Variants in HACD2 observed in about 807,000 individuals in gnomAD.
The protein encoded by HACD2 is 3-hydroxyacyl-CoA dehydratase 2.
HACD2 carries 15 observed loss-of-function variants against 31.0 expected under a neutral mutation model. The observed-to-expected ratio is 0.48, with a 90% CI of 0.32 to 0.75. HACD2 has a LOEUF of 0.75. Ranked by LOEUF, HACD2 falls within the 30% of genes least tolerant of loss-of-function variation. HACD2 has a pLI of 0.03. For synonymous variants in HACD2, 115 were observed against 122.2 expected, an observed-to-expected ratio of 0.94 and a Z score of 0.39; for missense variants, 283 against 313.0, an observed-to-expected ratio of 0.90 and a Z score of 0.72.
intron 3 of HACD2, among the ~76,000 whole-genome samples, chr3:123,534,255 A>C (rs1457584712): frequency 6.6e-6 from 1 of 152,164 alleles, no homozygotes; most frequent in Non-Finnish European, 1.5e-5. Flanking sequence ...TTGACAGTTG[A>C]GTACAGTCAT....
intron 3 of HACD2, among the ~76,000 whole-genome samples, chr3:123,536,493 A>C (rs1420454169): frequency 1.3e-5 from 2 of 152,238 alleles, no homozygotes; most frequent in African/African-American, 4.8e-5. Context: ...AGATTAAAGC[A>C]ACTGGAAGAT....
At chr3:123,559,284 C>T (rs2107738943) in intron 3 of HACD2, among the ~76,000 whole-genome samples, 1 of 151,724 alleles carries the variant, frequency 6.6e-6, no homozygotes, top group South Asian at 2.1e-4. Flanking sequence ...TTACAGAAAA[C>T]GTGTTGTGTG....
chr3:123,570,341 T>C (rs1181764952), intron 2 of HACD2, among the ~76,000 whole-genome samples: 1 of 152,204 alleles, frequency 6.6e-6, no homozygotes, highest in Non-Finnish European at 1.5e-5. Context: ...CATAATGATG[T>C]AGTCAGATGT....
rs953933761 is a variant in HACD2, at chr3:123,506,594, T to C, written c.382-3913A>G. On this transcript the variant is annotated intron_variant, in intron 4 of 6. Coordinates refer to ENST00000383657, the MANE Select transcript of HACD2 (RefSeq NM_198402.5). ...ACAGGTGTGTGCCACCACACCCAGC[T>C]AATTTTTTTTTCTTATTTTTTGTAG... 4.6e-5 allele frequency among the ~76,000 whole-genome samples: 7 copies of C among 152,100 alleles called. No individual in the cohort carries two copies. In the South Asian group the frequency reaches 6.2e-4, roughly 14 times the overall value.
At chr3:123,511,354 A>AAC (rs1019732639) in intron 4 of HACD2, among the ~76,000 whole-genome samples, 11 of 152,064 alleles carry the variant, frequency 7.2e-5, no homozygotes, top group East Asian at 3.9e-4. Context: ...CATGCATGTG[A>AAC]ACACACACAC....
At chr3:123,517,359 C>G (rs148327633) in intron 4 of HACD2, among the ~76,000 whole-genome samples, 2 of 152,192 alleles carry the variant, frequency 1.3e-5, no homozygotes, top group Non-Finnish European at 1.5e-5. Context: ...GATTTGCTCA[C>G]CTCCAAAAAG....
At chr3:123,563,957 G>A (rs2697523) in intron 3 of HACD2, among the ~76,000 whole-genome samples, 64,005 of 151,920 alleles carry the variant, frequency 0.42, 16,526 homozygotes, top group African/African-American at 0.74. Flanking sequence ...CAGATGAGAC[G>A]TACTGAGGTC....
chr3:123,568,534 T>C (rs1020734838), intron 2 of HACD2, among the ~76,000 whole-genome samples: 1 of 152,170 alleles, frequency 6.6e-6, no homozygotes, highest in Non-Finnish European at 1.5e-5. Flanking sequence ...CTGGGGTCTG[T>C]CTTCCCCATT....
At chr3:123,505,682 T>G (rs2055965816) in intron 4 of HACD2, among the ~76,000 whole-genome samples, 1 of 152,168 alleles carries the variant, frequency 6.6e-6, no homozygotes, top group African/African-American at 2.4e-5. Flanking sequence ...TACTACACTG[T>G]AAATAGATGA....
In HACD2 at chr3:123,530,141, C is replaced by T. The variant is rs181496507; in HGVS notation, c.293-1667G>A. 3.9e-3 allele frequency among the ~76,000 whole-genome samples: 599 copies of T among 152,182 alleles called. 2 individuals are homozygous for T. Among genetic ancestry groups the T allele is most frequent in the Non-Finnish European group, 5.5e-3 (376 of 68,008 alleles). ...ATTAATGAGGTTGAAGCAATAACTA[C>T]CTAGGCACCTGTAAGGAAAGCACCC... is the stretch of plus-strand genomic sequence containing the variant. On this transcript the variant is annotated intron_variant, in intron 3 of 6. Transcript: ENST00000383657.
chr3:123,508,431 C>T (rs954605513), intron 4 of HACD2, among the ~76,000 whole-genome samples: 6 of 152,140 alleles, frequency 3.9e-5, no homozygotes, highest in Non-Finnish European at 7.4e-5. Flanking sequence ...AGAGAAAAAC[C>T]TTTACACACA....
intron 4 of HACD2, among the ~76,000 whole-genome samples, chr3:123,526,096 A>G (rs2056280105): frequency 6.6e-6 from 1 of 151,904 alleles, no homozygotes; most frequent in Admixed American, 6.6e-5. Flanking sequence ...GGTGACATAT[A>G]GCAAGCACTG....
At chr3:123,495,463 C>T (rs2055821216) in intron 6 of HACD2, among the ~76,000 whole-genome samples, 1 of 152,104 alleles carries the variant, frequency 6.6e-6, no homozygotes, top group South Asian at 2.1e-4. Context: ...CAGCCTAGCC[C>T]CATATGGTCC....
chr3:123,502,863 C>T (rs1473944535), intron 4 of HACD2, 182 bp from the exon 5 acceptor site: 1 of 577,964 alleles, frequency 1.7e-6, no homozygotes, highest in Non-Finnish European at 3.0e-6. Context: ...CTGTGTACAT[C>T]CCAGAGATGA....
At chr3:123,575,791 A>G (rs1337798364) in intron 2 of HACD2, among the ~76,000 whole-genome samples, 1 of 152,168 alleles carries the variant, frequency 6.6e-6, no homozygotes, top group Admixed American at 6.5e-5. Context: ...TTTAACTATT[A>G]CATTTTAAAA....
chr3:123,560,521 C>T (rs551244076), intron 3 of HACD2, among the ~76,000 whole-genome samples: 1 of 152,240 alleles, frequency 6.6e-6, no homozygotes, highest in African/African-American at 2.4e-5. Context: ...GGTTACATCC[C>T]TTTCTCCCCC....
At chr3:123,526,015 G>C (rs1188053193) in intron 4 of HACD2, among the ~76,000 whole-genome samples, 1 of 152,236 alleles carries the variant, frequency 6.6e-6, no homozygotes. Context: ...TTGGCCAAGA[G>C]AAGGGTCCAG....
chr3:123,551,025 T>G (rs1314321064), intron 3 of HACD2, among the ~76,000 whole-genome samples: 1 of 152,018 alleles, frequency 6.6e-6, no homozygotes, highest in Non-Finnish European at 1.5e-5. Flanking sequence ...TCACCTTGAG[T>G]GGCAGCAATG....
intron 2 of HACD2, among the ~76,000 whole-genome samples, chr3:123,579,690 A>G (rs764337563): frequency 6.6e-6 from 1 of 152,256 alleles, no homozygotes; most frequent in Non-Finnish European, 1.5e-5. Context: ...ACCCCCTACT[A>G]TATCAAGTAC....
Sources: gnomAD v4.1 joint callset for allele counts (sites outside exome capture counted in the v4.1 genomes callset) on GRCh38, gnomAD v4.1.1 for gene constraint, MANE v1.5 for transcripts, NCBI Gene and HGNC (gene_info 2026-07-23, HGNC 2026-07-21) for gene names.